PRELID2: variants seen among roughly 807,000 people sequenced by gnomAD.
PRELID2 encodes PRELI domain-containing protein 2.
Under a neutral mutation model 28.4 loss-of-function variants are expected in PRELID2, and 25 were observed. The ratio of observed to expected loss-of-function variants is 0.88; its 90% CI spans 0.64 to 1.23. The LOEUF (loss-of-function observed/expected upper bound fraction) is 1.23. Ranked by LOEUF, PRELID2 falls within the 50% of genes most tolerant of loss-of-function variation. The probability of loss-of-function intolerance (pLI) is 0.00; values close to 1 mark genes in which losing one functional copy is unlikely to be tolerated. For synonymous variants in PRELID2, 76 were observed against 71.6 expected, an observed-to-expected ratio of 1.06 and a Z score of -0.31; for missense variants, 201 against 214.4, an observed-to-expected ratio of 0.94 and a Z score of 0.39.
intron 1 of PRELID2, among the ~76,000 whole-genome samples, chr5:145,734,344 A>G (rs779083289): frequency 3.9e-5 from 6 of 152,180 alleles, no homozygotes; most frequent in Non-Finnish European, 8.8e-5. Context: ...AAGGTATTAC[A>G]TTTGTGTTGT....
chr5:145,363,537 T>A, the PRELID2 span, among the ~76,000 whole-genome samples: 1 of 152,196 alleles, frequency 6.6e-6, no homozygotes, highest in Non-Finnish European at 1.5e-5. Context: ...TATCCCCTCA[T>A]AGATCATTTT....
chr5:145,822,306 G>T (rs1396306215), intron 2 of PRELID2, among the ~76,000 whole-genome samples: 1 of 152,206 alleles, frequency 6.6e-6, no homozygotes, highest in South Asian at 2.1e-4. Flanking sequence ...CTATGCTCTA[G>T]ACCAGGAATC....
chr5:145,306,788 T>C, the PRELID2 span, among the ~76,000 whole-genome samples: 2 of 152,156 alleles, frequency 1.3e-5, no homozygotes, highest in Non-Finnish European at 2.9e-5. Flanking sequence ...TTAATACTTA[T>C]TGAAACATCA....
the PRELID2 span, among the ~76,000 whole-genome samples, chr5:145,250,177 A>G: frequency 2.0e-5 from 3 of 152,260 alleles, no homozygotes; most frequent in South Asian, 6.2e-4. Flanking sequence ...ACAATGATCA[A>G]TGTTGAAAGA....
intron 5 of PRELID2, among the ~76,000 whole-genome samples, chr5:145,769,770 C>G (rs1757990693): frequency 6.6e-6 from 1 of 152,126 alleles, no homozygotes; most frequent in African/African-American, 2.4e-5. Context: ...TAAGGAAGGG[C>G]AGGGAAGCTA....
intron 1 of PRELID2, among the ~76,000 whole-genome samples, chr5:145,690,963 TAA>T (rs79732473): frequency 8.4e-5 from 12 of 142,856 alleles, no homozygotes; most frequent in African/African-American, 2.5e-4. Context: ...ATTGTCTCCC[TAA>T]AAAAAAAAAA....
chr5:145,423,543 C>T, the PRELID2 span, among the ~76,000 whole-genome samples: 1 of 149,170 alleles, frequency 6.7e-6, no homozygotes, highest in Non-Finnish European at 1.5e-5. Context: ...CCTGAGGCTT[C>T]TGCATTCTTC....
chr5:145,456,893 A>G, the PRELID2 span, among the ~76,000 whole-genome samples: 1 of 152,322 alleles, frequency 6.6e-6, no homozygotes, highest in East Asian at 1.9e-4. Flanking sequence ...CTGACATTCA[A>G]AGAGAATTAG....
intron 1 of PRELID2, among the ~76,000 whole-genome samples, chr5:145,541,279 A>G (rs947135614): frequency 6.6e-5 from 10 of 152,150 alleles, no homozygotes; most frequent in African/African-American, 2.4e-4. Flanking sequence ...TATATAGTTT[A>G]GTATGTGCAA....
intron 1 of PRELID2, among the ~76,000 whole-genome samples, chr5:145,716,046 T>A (rs963067739): frequency 6.6e-6 from 1 of 151,396 alleles, no homozygotes; most frequent in Non-Finnish European, 1.5e-5. Flanking sequence ...ATTATGAGAT[T>A]TTTTTTGGCG....
At chr5:145,668,947 C>A (rs763364457) in intron 1 of PRELID2, among the ~76,000 whole-genome samples, 3 of 152,056 alleles carry the variant, frequency 2.0e-5, no homozygotes, top group Non-Finnish European at 4.4e-5. Context: ...TCTCAGCTCC[C>A]CCTTTCACAG....
intron 5 of PRELID2, among the ~76,000 whole-genome samples, chr5:145,794,310 G>A (rs1752592771): frequency 6.6e-6 from 1 of 152,174 alleles, no homozygotes; most frequent in Non-Finnish European, 1.5e-5. Context: ...TGTACACTTA[G>A]AATGAGCTAG....
the PRELID2 span, among the ~76,000 whole-genome samples, chr5:145,322,836 A>C: frequency 5.9e-5 from 9 of 151,990 alleles, no homozygotes; most frequent in African/African-American, 2.2e-4. Context: ...TCATGAGGTC[A>C]AGAAAGTAGA....
intron 1 of PRELID2, among the ~76,000 whole-genome samples, chr5:145,691,165 T>TC (rs1372686947): frequency 6.6e-6 from 1 of 152,084 alleles, no homozygotes; most frequent in East Asian, 1.9e-4. Flanking sequence ...TTAGCTCAAC[T>TC]CCCCAAAAAG....
At chr5:145,455,799 C>A in the PRELID2 span, among the ~76,000 whole-genome samples, 10 of 152,182 alleles carry the variant, frequency 6.6e-5, no homozygotes. Flanking sequence ...GAGGGAGCTC[C>A]CTGACCCCTT....
chr5:145,557,767 AC>A lies in PRELID2; in HGVS notation n.71-84453del, dbSNP rs1752892954. ...GTGTACCAGTTTTACAAACGAGAAA[AC>A]TGAGGCCTGCCCAAGGTCAACACTT... On this transcript the variant is annotated intron_variant and non_coding_transcript_variant, in intron 1 of 2. Coordinates refer to the PRELID2 transcript ENST00000510259. 2.6e-5 allele frequency among the ~76,000 whole-genome samples: 4 copies of A among 152,196 alleles called. No homozygotes were observed. In the South Asian group the frequency reaches 8.3e-4, roughly 31 times the overall value.
At chr5:145,428,592 G>A in the PRELID2 span, among the ~76,000 whole-genome samples, 1 of 152,126 alleles carries the variant, frequency 6.6e-6, no homozygotes, top group Non-Finnish European at 1.5e-5. Flanking sequence ...TAAATGACAA[G>A]TTAATGGGTG....
chr5:145,280,115 C>T, the PRELID2 span, among the ~76,000 whole-genome samples: 1 of 152,080 alleles, frequency 6.6e-6, no homozygotes, highest in Non-Finnish European at 1.5e-5. Context: ...AATTGGCTAT[C>T]TTATTTTGGT....
At chr5:145,688,279 C>A (rs1034820114) in intron 1 of PRELID2, among the ~76,000 whole-genome samples, 9 of 152,184 alleles carry the variant, frequency 5.9e-5, no homozygotes, top group African/African-American at 2.2e-4. Context: ...GCAATTTTCA[C>A]AACATTAACT....
Sources: gnomAD v4.1 joint callset for allele counts (sites outside exome capture counted in the v4.1 genomes callset) on GRCh38, gnomAD v4.1.1 for gene constraint, MANE v1.5 for transcripts, NCBI Gene and HGNC (gene_info 2026-07-23, HGNC 2026-07-21) for gene names.